The following PKHD1 variants were observed in gnomAD, a reference collection of about 807,000 sequenced individuals.
The protein encoded by PKHD1 is PKHD1 ciliary IPT domain containing fibrocystin/polyductin, also known as fibrocystin.
PKHD1 carries 291 observed loss-of-function variants against 412.0 expected under a neutral mutation model. The ratio of observed to expected loss-of-function variants is 0.71; its 90% CI spans 0.64 to 0.78. The LOEUF is 0.78. PKHD1 is among the 30% of genes least tolerant of loss of function. The probability of loss-of-function intolerance (pLI) is 0.00; values close to 1 mark genes in which losing one functional copy is unlikely to be tolerated. For synonymous variants in PKHD1, 1,777 were observed against 1,821.5 expected (o/e 0.98, Z 0.62); for missense variants, 4,825 against 4,950.7 (o/e 0.97, Z 0.76).
intron 50 of PKHD1, 49 bp downstream of exon 50, chr6:51,847,726 T>C (rs370443532): frequency 2.5e-4 from 326 of 1,286,408 alleles, no homozygotes; most frequent in Non-Finnish European, 3.5e-4. Flanking sequence ...GGGTGATTGG[T>C]GATTTCTGAC....
At chr6:52,085,185 C>T (rs374415579) in intron 1 of PKHD1, among the ~76,000 whole-genome samples, 168 bp from the exon 2 acceptor site, 1 of 152,174 alleles carries the variant, frequency 6.6e-6, no homozygotes. Context: ...ATCTGAGAAC[C>T]TTGCATAAAA....
intron 52 of PKHD1, among the ~76,000 whole-genome samples, chr6:51,829,179 T>C (rs1257371453): frequency 6.6e-6 from 1 of 152,066 alleles, no homozygotes; most frequent in East Asian, 1.9e-4. Context: ...CCACCCAGCA[T>C]TGATTTGTGC....
intron 1 of PKHD1, among the ~76,000 whole-genome samples, chr6:52,086,254 G>C (rs532515070): frequency 7.9e-5 from 12 of 151,208 alleles, no homozygotes; most frequent in Non-Finnish European, 1.8e-4. Context: ...GGGATTACAG[G>C]TGTGCGCCAC....
chr6:51,905,749 G>C (rs1781974150), intron 41 of PKHD1, among the ~76,000 whole-genome samples: 1 of 152,050 alleles, frequency 6.6e-6, no homozygotes, highest in South Asian at 2.1e-4. Flanking sequence ...TTTTGCAAGG[G>C]GAATGAACTT....
At chr6:51,693,041 T>C (rs1308084700) in intron 60 of PKHD1, among the ~76,000 whole-genome samples, 1 of 152,196 alleles carries the variant, frequency 6.6e-6, no homozygotes, top group Admixed American at 6.5e-5. Context: ...TTTTTTGCTG[T>C]TTTGGTGGCT....
At chr6:51,627,774 C>T (rs1392651301) in intron 65 of PKHD1, among the ~76,000 whole-genome samples, 5 of 152,048 alleles carry the variant, frequency 3.3e-5, no homozygotes, top group African/African-American at 9.7e-5. Context: ...ATGAGGAGGG[C>T]TTTTAATAGA....
rs545052889 is a variant in PKHD1 at position 52,032,764 on chromosome 6, G to T, written c.3364+266C>A. Among the ~76,000 whole-genome samples the T allele has an allele frequency of 1.1e-4, 17 of 152,240 alleles. No homozygotes were observed. The South Asian group carries it at 3.5e-3, about 32-fold the overall frequency. On this transcript the variant is annotated intron_variant, in intron 29 of 66. Transcript: ENST00000371117. ...TATTGACACTTACTAAATGCTCAAG[G>T]AACATATTTTGAATTGTAACTTTTG...
At chr6:51,767,579 T>C (rs1200378389) in intron 55 of PKHD1, among the ~76,000 whole-genome samples, 2 of 152,144 alleles carry the variant, frequency 1.3e-5, no homozygotes, top group South Asian at 4.1e-4. Flanking sequence ...TGGTTTTGTG[T>C]CCTTGTGATA....
intron 64 of PKHD1, among the ~76,000 whole-genome samples, chr6:51,633,928 G>T (rs932961345): frequency 1.3e-5 from 2 of 151,894 alleles, no homozygotes; most frequent in African/African-American, 2.4e-5. Context: ...TAATTTTGGG[G>T]GTGATGAATA....
chr6:51,815,946 T>G (rs1765391021), intron 52 of PKHD1, among the ~76,000 whole-genome samples: 1 of 152,212 alleles, frequency 6.6e-6, no homozygotes, highest in Non-Finnish European at 1.5e-5. Flanking sequence ...TATATGATCA[T>G]GTATAGCATA....
At chr6:51,789,462 T>C (rs1266964597) in intron 53 of PKHD1, among the ~76,000 whole-genome samples, 1 of 152,064 alleles carries the variant, frequency 6.6e-6, no homozygotes, top group Non-Finnish European at 1.5e-5. Flanking sequence ...ATTATTGAAG[T>C]TGGGCCTTTG....
intron 63 of PKHD1, among the ~76,000 whole-genome samples, chr6:51,644,034 C>T (rs897367027): frequency 2.5e-4 from 38 of 152,004 alleles, no homozygotes; most frequent in African/African-American, 1.2e-4. Flanking sequence ...AACAATAAGA[C>T]GAAGCAAGCT....
chr6:51,838,090 T>C (rs1004501658), intron 50 of PKHD1, among the ~76,000 whole-genome samples: 8 of 152,260 alleles, frequency 5.3e-5, no homozygotes, highest in African/African-American at 1.9e-4. Context: ...TCCACTTCTG[T>C]TCACGTTGAT....
chr6:52,083,268 GA>G lies in PKHD1; in HGVS notation c.53-14del, dbSNP rs753629964. ...CTCAGGTGACGTACTGTAAGTAAGT[GA>G]AAAAAAACATTGGTTTTGAAGGTCA... On this transcript the variant is annotated splice_polypyrimidine_tract_variant and intron_variant, in intron 2 of 66. Coordinates refer to ENST00000371117, the MANE Select transcript of PKHD1 (RefSeq NM_138694.4). 1.5e-5 allele frequency: 23 copies of G among 1,563,752 alleles called. No homozygotes were observed. Among genetic ancestry groups the G allele is most frequent in the Non-Finnish European group, 1.9e-5 (22 of 1,134,422 alleles).
chr6:51,786,779 T>C (rs566374360), intron 53 of PKHD1, among the ~76,000 whole-genome samples: 3 of 152,314 alleles, frequency 2.0e-5, no homozygotes, highest in African/African-American at 7.2e-5. Context: ...TCTGTTTCTA[T>C]ATGCCCAGTA....
intron 55 of PKHD1, among the ~76,000 whole-genome samples, chr6:51,762,958 AT>A (rs1166121657): frequency 6.6e-6 from 1 of 152,044 alleles, no homozygotes; most frequent in Non-Finnish European, 1.5e-5. Context: ...GTCTGAAGTT[AT>A]TTTTAACATT....
intron 49 of PKHD1, among the ~76,000 whole-genome samples, chr6:51,850,880 C>T (rs1446762827): frequency 6.6e-6 from 1 of 152,054 alleles, no homozygotes; most frequent in Non-Finnish European, 1.5e-5. Flanking sequence ...TATTTCAATG[C>T]CCTTTATTTC....
At position 52,002,217 on chromosome 6, in the gene PKHD1, G is replaced by A. The variant is rs766189178; in HGVS notation, c.5751+8092C>T. 8.5e-5 allele frequency among the ~76,000 whole-genome samples: 13 copies of A among 152,214 alleles called. 1 individual carries two copies. The highest frequency in any genetic ancestry group is 3.9e-4 in the East Asian group (2 of 5,186). The stretch of plus-strand genomic sequence containing the variant: ...TTTTAGGTTTCTCCTACTATTATAC[G>A]TTTATAGGTACTGTCTTCCTCCCTC... On this transcript the variant is annotated intron_variant, in intron 35 of 66. Coordinates refer to ENST00000371117, the MANE Select transcript of PKHD1 (RefSeq NM_138694.4).
intron 52 of PKHD1, among the ~76,000 whole-genome samples, chr6:51,794,365 T>A (rs1435438828): frequency 6.6e-6 from 1 of 152,184 alleles, no homozygotes; most frequent in Non-Finnish European, 1.5e-5. Context: ...CTTTGCCCAC[T>A]TTTTAATGGG....
Sources: allele counts gnomAD v4.1 joint callset (sites outside exome capture counted in the v4.1 genomes callset), GRCh38; gene constraint gnomAD v4.1.1; transcripts MANE v1.5; gene names NCBI Gene and HGNC (gene_info 2026-07-23, HGNC 2026-07-21).